The following BLVRA variants were observed in gnomAD, a reference collection of about 807,000 sequenced individuals.
The protein encoded by BLVRA is BVR A.
In BLVRA, 22 loss-of-function variants were observed where a neutral mutation model predicts 32.8. That is an observed-to-expected ratio of 0.67 (90% CI 0.48 to 0.96). BLVRA has a LOEUF of 0.96. BLVRA is among the 40% of genes least tolerant of loss of function. BLVRA has a pLI of 0.00. For missense variants in BLVRA, 323 were observed against 358.1 expected, an observed-to-expected ratio of 0.90 and a Z score of 0.79; for synonymous variants, 119 against 141.3, an observed-to-expected ratio of 0.84 and a Z score of 1.12.
chr7:43,778,902 C>G (rs1207741403), intron 2 of BLVRA, among the ~76,000 whole-genome samples: 2 of 152,260 alleles, frequency 1.3e-5, no homozygotes, highest in Non-Finnish European at 2.9e-5. Context: ...GCAGTTTGAT[C>G]TCAGACTGCT....
chr7:43,766,651 G>A (rs536231743), intron 1 of BLVRA, among the ~76,000 whole-genome samples: 12 of 152,284 alleles, frequency 7.9e-5, no homozygotes, highest in African/African-American at 1.7e-4. Flanking sequence ...GCCAGATCTC[G>A]CTTGGCCTGG....
chr7:43,804,325 C>T (rs546748716), intron 7 of BLVRA, among the ~76,000 whole-genome samples: 2 of 152,276 alleles, frequency 1.3e-5, no homozygotes, highest in Admixed American at 1.3e-4. Context: ...CCTGCAGTCC[C>T]AGCTCCTTGG....
rs28662150 is a variant in BLVRA, at chr7:43,783,573, A to G, written c.13-4331A>G. ...GCCTGTTATTAATGACATATAGATT[A>G]TTTCCATCTTTTGCTTGTTATAAGC... On this transcript the variant is annotated intron_variant, in intron 2 of 7. Coordinates refer to ENST00000265523, the MANE Select transcript of BLVRA (RefSeq NM_000712.4). Among the ~76,000 whole-genome samples, 1,088 of 152,280 alleles carry G rather than the reference A, an allele frequency of 7.1e-3. 11 individuals are homozygous for G. Among genetic ancestry groups the G allele is most frequent in the African/African-American group, 0.025 (1,031 of 41,538 alleles).
intron 6 of BLVRA, among the ~76,000 whole-genome samples, chr7:43,801,708 T>C (rs2095798907): frequency 6.6e-6 from 1 of 152,190 alleles, no homozygotes; most frequent in Non-Finnish European, 1.5e-5. Context: ...ACTACCCCCA[T>C]TATACAGATA....
chr7:43,798,716 T>C (rs1273949604), intron 5 of BLVRA, among the ~76,000 whole-genome samples: 6 of 152,356 alleles, frequency 3.9e-5, no homozygotes, highest in Middle Eastern at 3.4e-3. Flanking sequence ...ATGGCAAGAT[T>C]TGGACACTGC....
intron 6 of BLVRA, among the ~76,000 whole-genome samples, chr7:43,800,786 T>A (rs1033065715): frequency 2.6e-5 from 4 of 152,172 alleles, no homozygotes; most frequent in African/African-American, 9.7e-5. Context: ...TGTCCCAACC[T>A]ATTAACTAGT....
chr7:43,775,007 T>G (rs1317261771), intron 2 of BLVRA, among the ~76,000 whole-genome samples: 1 of 152,230 alleles, frequency 6.6e-6, no homozygotes, highest in Non-Finnish European at 1.5e-5. Flanking sequence ...GAGACTTTGC[T>G]GAAGTTGCTT....
chr7:43,798,196 A>AC (rs1216478777), intron 5 of BLVRA, among the ~76,000 whole-genome samples: 26 of 116,354 alleles, frequency 2.2e-4, no homozygotes, highest in African/African-American at 8.9e-4. Flanking sequence ...TCCCCATCTC[A>AC]CAAAAAAAAA....
Position 43,807,178 on chromosome 7 carries a change from C to G in BLVRA, c.834C>G (p.Ile278Met). 1 of 1,612,848 alleles carries G rather than the reference C, an allele frequency of 6.2e-7. No homozygotes were observed. Among genetic ancestry groups the G allele is most frequent in the Middle Eastern group, 1.6e-4 (1 of 6,062 alleles). The change falls in exon 8 of 8, where the codon ATC becomes ATG. Residue 278 changes from isoleucine (I) to methionine (M), a missense_variant. By Grantham distance (10) the Ile-to-Met change is conservative (BLOSUM62 1). Transcript: ENST00000265523. ...EKELAAEKKR[I>M]LHCLGLAEEI... is the part of the protein sequence containing the mutation. ...AACTGGCTGCTGAAAAGAAACGCAT[C>G]CTGCACTGCCTGGGGCTTGCAGAAG... is the stretch of plus-strand genomic sequence containing the variant.
At chr7:43,793,023 C>T (rs1170762026) in intron 5 of BLVRA, among the ~76,000 whole-genome samples, 2 of 152,196 alleles carry the variant, frequency 1.3e-5, no homozygotes, top group Non-Finnish European at 2.9e-5. Flanking sequence ...CAAAGCTTAT[C>T]AGCTTATTTT....
chr7:43,772,530 C>T (rs533878113), intron 2 of BLVRA, among the ~76,000 whole-genome samples: 418 of 152,324 alleles, frequency 2.7e-3, no homozygotes, highest in Middle Eastern at 0.027. Context: ...GGGATGTATC[C>T]CTGTCTGGTA....
chr7:43,762,333 T>TACA (rs1039724067), intron 1 of BLVRA, among the ~76,000 whole-genome samples: 5 of 151,708 alleles, frequency 3.3e-5, no homozygotes, highest in African/African-American at 9.7e-5. Flanking sequence ...TCCCCCCGAG[T>TACA]ACAACAATCA....
Position 43,788,035 on chromosome 7 carries a change from A to C in BLVRA, c.134+10A>C. ...TTGGCTTCGTGTCGAGGTGGCTCAC[A>C]ATGTCTTTGTGCTTCATAATTCATG... is the stretch of plus-strand genomic sequence containing the variant. On this transcript the variant is annotated intron_variant, in intron 3 of 7. Coordinates refer to ENST00000265523, the MANE Select transcript of BLVRA (RefSeq NM_000712.4). The C allele has an allele frequency of 6.2e-7, 1 of 1,614,106 alleles. No individual in the cohort carries two copies. Among genetic ancestry groups the C allele is most frequent in the Admixed American group, 1.7e-5 (1 of 60,006 alleles).
chr7:43,792,836 C>A lies in BLVRA; in HGVS notation c.352+24C>A, dbSNP rs549854935. ...AGGTAATGTATCTTACCAAGAGTTT[C>A]TGCCTCCAGGATTTCTGTGATATCA... On this transcript the variant is annotated intron_variant, in intron 5 of 7. Transcript: ENST00000265523. 3.0e-5 allele frequency: 49 copies of A among 1,606,650 alleles called. No homozygotes were observed. In the East Asian group the frequency reaches 8.3e-4, roughly 27 times the overall value.
upstream of BLVRA, among the ~76,000 whole-genome samples, chr7:43,758,181 T>C (rs1314608823): frequency 6.6e-6 from 1 of 152,184 alleles, no homozygotes; most frequent in Non-Finnish European, 1.5e-5. Context: ...TCCTGGAATA[T>C]TCCCTCCGCT....
intron 6 of BLVRA, 150 bp downstream of exon 6, chr7:43,800,722 C>T (rs1472781024): frequency 4.1e-6 from 3 of 725,494 alleles, no homozygotes; most frequent in African/African-American, 3.5e-5. Flanking sequence ...GATTTAATTC[C>T]TTGGTGGCCC....
At chr7:43,763,461 G>A (rs1321692782) in intron 1 of BLVRA, among the ~76,000 whole-genome samples, 1 of 152,206 alleles carries the variant, frequency 6.6e-6, no homozygotes, top group Non-Finnish European at 1.5e-5. Context: ...CATCAGCAAG[G>A]GATCCAATGT....
intron 1 of BLVRA, among the ~76,000 whole-genome samples, chr7:43,770,491 T>G (rs142575900): frequency 6.6e-6 from 1 of 152,094 alleles, no homozygotes; most frequent in Non-Finnish European, 1.5e-5. Context: ...CCCAGAAATA[T>G]GCATTTTCAA....
upstream of BLVRA, among the ~76,000 whole-genome samples, chr7:43,758,357 A>ACCGTGAGGGGGCCAGGCACC: frequency 1.3e-5 from 2 of 151,586 alleles, no homozygotes; most frequent in Non-Finnish European, 2.9e-5. Context: ...GGCCAGGCAC[A>ACCGTGAGGGGGCCAGGCACC]CCGTGAGGGG....
Sources: allele counts gnomAD v4.1 joint callset (sites outside exome capture counted in the v4.1 genomes callset), GRCh38; gene constraint gnomAD v4.1.1; transcripts MANE v1.5; gene names NCBI Gene and HGNC (gene_info 2026-07-23, HGNC 2026-07-21).